ZCWPW2: variants seen among roughly 807,000 people sequenced by gnomAD.
ZCWPW2 encodes zinc finger CW-type and PWWP domain containing 2.
ZCWPW2 carries 45 observed loss-of-function variants against 46.6 expected under a neutral mutation model. The ratio of observed to expected loss-of-function variants is 0.96; its 90% confidence interval spans 0.76 to 1.24. The LOEUF (loss-of-function observed/expected upper bound fraction) is 1.24, where lower values mean the gene tolerates loss of function less well. Among genes scored for constraint, ZCWPW2 ranks in the 50% most tolerant of loss-of-function variants. The pLI is 0.00. For synonymous variants in ZCWPW2, 152 were observed against 137.1 expected (o/e 1.11, Z -0.76); for missense variants, 429 against 403.9 (o/e 1.06, Z -0.53).
At chr3:28,371,807 G>A (rs149842218) in intron 1 of ZCWPW2, among the ~76,000 whole-genome samples, 1,843 of 152,258 alleles carry the variant, frequency 0.012, 43 homozygotes, top group African/African-American at 0.042. Flanking sequence ...GGTTGGTGGC[G>A]GATGTGGTCA....
intron 1 of ZCWPW2, 92 bp from the exon 2 acceptor site, chr3:28,390,406 A>T: frequency 1.1e-6 from 1 of 927,688 alleles, no homozygotes; most frequent in Non-Finnish European, 1.3e-6. Flanking sequence ...TTTGTCAGTG[A>T]TATATCAGAA....
intron 6 of ZCWPW2, among the ~76,000 whole-genome samples, chr3:28,508,502 TTTTTGTTTTG>T (rs539590147): frequency 6.6e-6 from 1 of 152,038 alleles, no homozygotes; most frequent in African/African-American, 2.4e-5. Flanking sequence ...ACTTTCAACC[TTTTTGTTTTG>T]TTTTGTTTTG....
At chr3:28,520,910 T>G (rs1700704533) in intron 8 of ZCWPW2, 82 bp from the exon 9 acceptor site, 1 of 1,519,772 alleles carries the variant, frequency 6.6e-7, no homozygotes, top group South Asian at 1.2e-5. Flanking sequence ...AAAGATTTCT[T>G]CTTTCTGGGT....
intron 7 of ZCWPW2, among the ~76,000 whole-genome samples, chr3:28,514,818 C>T (rs1982558): frequency 6.6e-6 from 1 of 152,158 alleles, no homozygotes; most frequent in South Asian, 2.1e-4. Flanking sequence ...TAGTGTTTAT[C>T]GTTGAACCAG....
chr3:28,454,773 A>G (rs917323134), intron 4 of ZCWPW2, among the ~76,000 whole-genome samples: 2 of 152,198 alleles, frequency 1.3e-5, no homozygotes, highest in African/African-American at 2.4e-5. Flanking sequence ...GCTAAGGATA[A>G]TGGCCTCTGG....
At chr3:28,430,712 T>A (rs1207465822) in intron 3 of ZCWPW2, among the ~76,000 whole-genome samples, 1 of 152,170 alleles carries the variant, frequency 6.6e-6, no homozygotes, top group African/African-American at 2.4e-5. Context: ...GGTGATTAGA[T>A]CATGGGGCAG....
intron 4 of ZCWPW2, among the ~76,000 whole-genome samples, chr3:28,448,784 C>CAAAAA (rs576935771): frequency 2.8e-4 from 18 of 65,354 alleles, no homozygotes; most frequent in Non-Finnish European, 4.3e-4. Flanking sequence ...GACTCTGTCT[C>CAAAAA]AAAAAAAAAA....
chr3:28,362,233 C>A (rs1273446963), intron 1 of ZCWPW2, among the ~76,000 whole-genome samples: 1 of 151,942 alleles, frequency 6.6e-6, no homozygotes, highest in Non-Finnish European at 1.5e-5. Context: ...TCTTGAGATC[C>A]ATTGTACAAC....
chr3:28,385,899 G>A lies in ZCWPW2; in HGVS notation c.-133-4599G>A, dbSNP rs139143011. On this transcript the variant is annotated intron_variant, in intron 1 of 9. Coordinates refer to ENST00000383768, the MANE Select transcript of ZCWPW2 (RefSeq NM_001040432.4). ...GATTAACGTAACCTTTTATTTTCTT[G>A]TTTCTTACACTCTCTTTATCTGGCT... is the stretch of plus-strand genomic sequence containing the variant. Among the ~76,000 whole-genome samples the A allele has an allele frequency of 7.5e-4, 109 of 144,812 alleles. 1 individual carries two copies. Among genetic ancestry groups the A allele is most frequent in the African/African-American group, 2.6e-3 (101 of 39,500 alleles).
chr3:28,374,687 C>T (rs762383134), intron 1 of ZCWPW2, among the ~76,000 whole-genome samples: 5 of 151,920 alleles, frequency 3.3e-5, no homozygotes, highest in South Asian at 2.1e-4. Flanking sequence ...ATAGATCTTT[C>T]ACTTATTTGG....
At chr3:28,433,809 A>T (rs1575128659) in intron 3 of ZCWPW2, among the ~76,000 whole-genome samples, 8 of 151,464 alleles carry the variant, frequency 5.3e-5, no homozygotes, top group Admixed American at 4.6e-4. Context: ...TCATCACTTC[A>T]TCAGGTTGGT....
chr3:28,417,301 C>A (rs901576519), intron 3 of ZCWPW2, among the ~76,000 whole-genome samples: 34 of 152,086 alleles, frequency 2.2e-4, no homozygotes, highest in African/African-American at 7.9e-4. Context: ...TACACCCTCC[C>A]AAGACTAAAC....
chr3:28,403,930 C>T (rs1177734484), intron 2 of ZCWPW2, among the ~76,000 whole-genome samples: 1 of 152,138 alleles, frequency 6.6e-6, no homozygotes, highest in Non-Finnish European at 1.5e-5. Flanking sequence ...AAACCTGAAA[C>T]TATAAAAATT....
At chr3:28,379,265 GC>G (rs1177136568) in intron 1 of ZCWPW2, among the ~76,000 whole-genome samples, 3 of 152,152 alleles carry the variant, frequency 2.0e-5, no homozygotes, top group Non-Finnish European at 4.4e-5. Flanking sequence ...TCCTTGTAAA[GC>G]CAGAGGAAAA....
chr3:28,464,792 G>A (rs576530735), intron 4 of ZCWPW2, among the ~76,000 whole-genome samples: 5 of 152,114 alleles, frequency 3.3e-5, no homozygotes, highest in African/African-American at 1.2e-4. Context: ...AGGACACTTT[G>A]GATTTTTAAT....
rs1232743483 is a variant in ZCWPW2, at chr3:28,521,067, C to A, written c.860C>A (p.Pro287His). Residue 287 changes from proline (P) to histidine (H), a missense_variant, in exon 9 of 10, where the codon CCT becomes CAT. Physicochemically the swap from Pro to His is moderately conservative, Grantham distance 77. Coordinates refer to ENST00000383768, the MANE Select transcript of ZCWPW2 (RefSeq NM_001040432.4). ...CAAGCACTGCAACCCACAGCCACAC[C>A]TGATGAATCAGAAGAAGGACATGGA... ...LQQALQPTAT[P>H]DESEEGHGEE... 36 of 1,610,236 alleles carry A rather than the reference C, an allele frequency of 2.2e-5. No individual in the cohort carries two copies. Among genetic ancestry groups the A allele is most frequent in the Non-Finnish European group, 3.0e-5 (35 of 1,178,982 alleles).
chr3:28,399,745 A>G (rs1209661244), intron 2 of ZCWPW2, among the ~76,000 whole-genome samples: 1 of 152,208 alleles, frequency 6.6e-6, no homozygotes, highest in Non-Finnish European at 1.5e-5. Flanking sequence ...TACTACATCA[A>G]GGTAATACCC....
chr3:28,400,918 G>T (rs532265298), intron 2 of ZCWPW2, among the ~76,000 whole-genome samples: 51 of 152,232 alleles, frequency 3.4e-4, no homozygotes, highest in African/African-American at 1.2e-3. Flanking sequence ...GGTGGCTCAC[G>T]CCTGTAATCC....
chr3:28,413,674 T>C (rs1418678833), intron 3 of ZCWPW2, among the ~76,000 whole-genome samples: 4 of 152,108 alleles, frequency 2.6e-5, no homozygotes, highest in Non-Finnish European at 5.9e-5. Flanking sequence ...AATTTTGATA[T>C]ACTGTGTTTT....
Sources: allele counts gnomAD v4.1 joint callset (sites outside exome capture counted in the v4.1 genomes callset), GRCh38; gene constraint gnomAD v4.1.1; transcripts MANE v1.5; gene names NCBI Gene and HGNC (gene_info 2026-07-23, HGNC 2026-07-21).